MAGI2: variants seen among roughly 807,000 people sequenced by gnomAD.
The protein encoded by MAGI2 is membrane-associated guanylate kinase, WW and PDZ domain-containing protein 2.
In MAGI2, 35 loss-of-function variants were observed where a neutral mutation model predicts 133.3. The ratio of observed to expected loss-of-function variants is 0.26; its 90% CI spans 0.20 to 0.35. MAGI2 has a LOEUF of 0.35. Among genes scored for constraint, MAGI2 ranks in the 10% least tolerant of loss-of-function variants. The pLI is 1.00. For synonymous variants in MAGI2, 729 were observed against 710.6 expected (o/e 1.03, Z -0.41); for missense variants, 1,636 against 1,863.4 (o/e 0.88, Z 2.25).
At chr7:79,224,385 T>C (rs910970349) in intron 1 of MAGI2, among the ~76,000 whole-genome samples, 1 of 152,074 alleles carries the variant, frequency 6.6e-6, no homozygotes, top group African/African-American at 2.4e-5. Context: ...CCTTGTGCTA[T>C]AGTAATGCTA....
intron 1 of MAGI2, among the ~76,000 whole-genome samples, chr7:79,226,086 A>G (rs537505033): frequency 6.6e-6 from 1 of 152,312 alleles, no homozygotes; most frequent in Admixed American, 6.5e-5. Context: ...TTTTTCAATC[A>G]AAGGAAAAAA....
intron 1 of MAGI2, among the ~76,000 whole-genome samples, chr7:79,335,131 G>A (rs1840347462): frequency 6.6e-6 from 1 of 152,090 alleles, no homozygotes; most frequent in African/African-American, 2.4e-5. Flanking sequence ...ACAGTGGGGG[G>A]AGATCCCCCT....
intron 10 of MAGI2, among the ~76,000 whole-genome samples, chr7:78,240,553 T>C (rs1158172994): frequency 6.6e-6 from 1 of 152,202 alleles, no homozygotes; most frequent in Non-Finnish European, 1.5e-5. Flanking sequence ...AGGCAAATAC[T>C]GCATGATCTT....
At chr7:78,543,102 G>C (rs1228100097) in intron 3 of MAGI2, among the ~76,000 whole-genome samples, 4 of 152,180 alleles carry the variant, frequency 2.6e-5, no homozygotes, top group Non-Finnish European at 5.9e-5. Flanking sequence ...AAGTCTTTTG[G>C]AGGTTGATGT....
chr7:79,083,121 G>C (rs1210500035), intron 1 of MAGI2, among the ~76,000 whole-genome samples: 5 of 151,272 alleles, frequency 3.3e-5, no homozygotes, highest in Non-Finnish European at 5.9e-5. Context: ...CATGTAATCT[G>C]TTAATAGAGA....
chr7:78,486,895 C>A (rs1276423165), intron 6 of MAGI2: 11 of 513,988 alleles, frequency 2.1e-5, no homozygotes, highest in Non-Finnish European at 4.3e-5. Flanking sequence ...CATTTCAAAT[C>A]TTTGTGGGCC....
At chr7:78,400,350 T>C (rs1229059698) in intron 6 of MAGI2, among the ~76,000 whole-genome samples, 1 of 103,820 alleles carries the variant, frequency 9.6e-6, no homozygotes, top group African/African-American at 3.3e-5. Context: ...ATCTACTTAC[T>C]TCAGTCATTT....
At chr7:78,873,226 G>C (rs549017733) in intron 2 of MAGI2, among the ~76,000 whole-genome samples, 209 of 152,192 alleles carry the variant, frequency 1.4e-3, no homozygotes, top group African/African-American at 4.3e-3. Context: ...TCCTACTAAG[G>C]CTCCCCTATG....
chr7:78,691,452 G>A (rs1257052133), intron 2 of MAGI2, among the ~76,000 whole-genome samples: 1 of 152,186 alleles, frequency 6.6e-6, no homozygotes. Context: ...TGAGAAAATG[G>A]AAAATAACAG....
At chr7:79,261,123 A>T (rs1394823674) in intron 1 of MAGI2, among the ~76,000 whole-genome samples, 1 of 152,248 alleles carries the variant, frequency 6.6e-6, no homozygotes, top group Non-Finnish European at 1.5e-5. Context: ...GTCATGTTTC[A>T]GTATAGAACA....
At chr7:79,208,460 G>A (rs1345003216) in intron 1 of MAGI2, among the ~76,000 whole-genome samples, 1 of 151,732 alleles carries the variant, frequency 6.6e-6, no homozygotes, top group East Asian at 1.9e-4. Context: ...TACTCATCAC[G>A]ACACAAATGC....
chr7:78,598,614 C>T (rs1804864367), intron 3 of MAGI2, among the ~76,000 whole-genome samples: 1 of 152,098 alleles, frequency 6.6e-6, no homozygotes, highest in Non-Finnish European at 1.5e-5. Context: ...GTACTCAGAT[C>T]AGTTGGGTGA....
chr7:79,120,453 C>A (rs918236388), intron 1 of MAGI2, among the ~76,000 whole-genome samples: 5 of 152,026 alleles, frequency 3.3e-5, no homozygotes, highest in Non-Finnish European at 7.4e-5. Context: ...TTGATTCACA[C>A]AATGTAAACA....
At chr7:78,741,714 A>T (rs896169262) in intron 2 of MAGI2, among the ~76,000 whole-genome samples, 8 of 152,090 alleles carry the variant, frequency 5.3e-5, no homozygotes, top group Non-Finnish European at 1.2e-4. Context: ...TGCCTTATTT[A>T]TATCAACTGT....
At chr7:78,521,074 C>T (rs1796456063) in intron 4 of MAGI2, among the ~76,000 whole-genome samples, 1 of 152,078 alleles carries the variant, frequency 6.6e-6, no homozygotes, top group African/African-American at 2.4e-5. Flanking sequence ...AAACTTTACA[C>T]AACCATATAT....
chr7:78,686,533 C>T (rs1474674541), intron 2 of MAGI2, among the ~76,000 whole-genome samples: 1 of 144,652 alleles, frequency 6.9e-6, no homozygotes, highest in Non-Finnish European at 1.5e-5. Context: ...CAAGTTATAG[C>T]TGTTAGCTTC....
At chr7:79,137,831 C>T (rs146905772) in intron 1 of MAGI2, among the ~76,000 whole-genome samples, 60 of 152,202 alleles carry the variant, frequency 3.9e-4, no homozygotes, top group Middle Eastern at 3.4e-3. Flanking sequence ...ATGTCTATGT[C>T]TTCATCTCAG....
At chr7:78,077,055 T>G (rs1815403931) in intron 21 of MAGI2, among the ~76,000 whole-genome samples, 1 of 152,066 alleles carries the variant, frequency 6.6e-6, no homozygotes, top group Middle Eastern at 3.2e-3. Flanking sequence ...AAGCAGCTGA[T>G]GTGGTGGATG....
intron 2 of MAGI2, among the ~76,000 whole-genome samples, chr7:78,993,084 T>A (rs999258079): frequency 2.6e-5 from 4 of 152,038 alleles, no homozygotes; most frequent in African/African-American, 9.7e-5. Flanking sequence ...CAAAAACTCA[T>A]GTACTTAAAG....
Sources: gnomAD v4.1 joint callset for allele counts (sites outside exome capture counted in the v4.1 genomes callset) on GRCh38, gnomAD v4.1.1 for gene constraint, MANE v1.5 for transcripts, NCBI Gene and HGNC (gene_info 2026-07-23, HGNC 2026-07-21) for gene names.